Variants in GRM7 observed in about 807,000 individuals in gnomAD.
The protein encoded by GRM7 is metabotropic glutamate receptor 7.
Under a neutral mutation model 84.5 loss-of-function variants are expected in GRM7, and 35 were observed. The ratio of observed to expected loss-of-function variants is 0.41; its 90% confidence interval spans 0.32 to 0.55. GRM7 has a LOEUF of 0.55. GRM7 is among the 20% of genes least tolerant of loss of function. The pLI, the probability that GRM7 is intolerant of heterozygous loss-of-function variation, is 0.19. For missense variants in GRM7, 1,003 were observed against 1,194.6 expected (o/e 0.84, Z 2.36); for synonymous variants, 487 against 455.1 (o/e 1.07, Z -0.89).
At chr3:7,425,861 A>T (rs534939871) in intron 5 of GRM7, among the ~76,000 whole-genome samples, 2 of 152,306 alleles carry the variant, frequency 1.3e-5, no homozygotes, top group Non-Finnish European at 2.9e-5. Context: ...AATCACTATG[A>T]CAAGTAGTTA....
intron 2 of GRM7, among the ~76,000 whole-genome samples, chr3:7,269,271 C>G (rs1698764643): frequency 6.6e-6 from 1 of 152,172 alleles, no homozygotes. Context: ...GAAATTTAAA[C>G]AAGAAAGCCA....
Position 7,190,257 on chromosome 3 carries a change from G to A in GRM7, c.736+43589G>A, listed in dbSNP as rs573733105. On this transcript the variant is annotated intron_variant, in intron 2 of 9. Coordinates refer to ENST00000357716, the MANE Select transcript of GRM7 (RefSeq NM_000844.4). ...TTCAGAAGCATGGTGATCAGAGTAAGGCAGGCATTTGGCATTCATTTTATA... is the reference window on the plus strand; with the variant it reads ...TTCAGAAGCATGGTGATCAGAGTAAAGCAGGCATTTGGCATTCATTTTATA... Among the ~76,000 whole-genome samples the A allele has an allele frequency of 3.3e-5, 5 of 152,228 alleles. No homozygotes were observed. The East Asian group carries it at 9.7e-4, about 29-fold the overall frequency.
chr3:7,101,360 T>C (rs1283888224), intron 1 of GRM7, among the ~76,000 whole-genome samples: 1 of 151,760 alleles, frequency 6.6e-6, no homozygotes, highest in African/African-American at 2.4e-5. Flanking sequence ...GGTTATAACT[T>C]GCATTTCTGT....
intron 8 of GRM7, among the ~76,000 whole-genome samples, chr3:7,643,583 A>G (rs1432178263): frequency 2.0e-5 from 3 of 152,230 alleles, no homozygotes; most frequent in Non-Finnish European, 4.4e-5. Context: ...CCACTGGCCA[A>G]CAGGTTAGGG....
intron 1 of GRM7, among the ~76,000 whole-genome samples, chr3:7,099,464 T>C (rs1386592983): frequency 1.4e-5 from 2 of 147,598 alleles, no homozygotes; most frequent in African/African-American, 5.1e-5. Flanking sequence ...TACATACAAA[T>C]ACATATACAC....
In GRM7 at chr3:7,730,253, A is replaced by G. The variant is rs201819703; in HGVS notation, c.2699-10104A>G. On this transcript the variant is annotated intron_variant, in intron 9 of 9. Coordinates refer to ENST00000357716, the MANE Select transcript of GRM7 (RefSeq NM_000844.4). ...AATCTCTTGACCTTGTGATCCGCCC[A>G]CCTTGGCCTCCCAAAGTGCTGGGAT... 1.2e-4 allele frequency among the ~76,000 whole-genome samples: 18 copies of G among 152,152 alleles called. No homozygotes were observed. In the East Asian group the frequency reaches 3.5e-3, roughly 30 times the overall value.
At chr3:7,607,110 T>C (rs1412875364) in intron 8 of GRM7, 1 of 152,238 alleles carries the variant, frequency 6.6e-6, no homozygotes, top group Non-Finnish European at 1.5e-5. Flanking sequence ...GTGTCTGTGG[T>C]TCTGCTCTTT....
intron 8 of GRM7, among the ~76,000 whole-genome samples, chr3:7,668,616 A>G (rs1379168133): frequency 1.1e-4 from 16 of 152,258 alleles, no homozygotes. Context: ...GATGAATAGA[A>G]GATAACAAAC....
intron 2 of GRM7, among the ~76,000 whole-genome samples, chr3:7,243,786 G>A (rs1697652648): frequency 6.6e-6 from 1 of 152,090 alleles, no homozygotes; most frequent in African/African-American, 2.4e-5. Flanking sequence ...TAGATGACAT[G>A]CCTACTATAG....
intron 1 of GRM7, among the ~76,000 whole-genome samples, chr3:7,073,583 A>G (rs772368331): frequency 1.3e-5 from 2 of 152,076 alleles, no homozygotes; most frequent in Non-Finnish European, 2.9e-5. Context: ...TATTGGAGTT[A>G]GGGTTTATTT....
intron 2 of GRM7, among the ~76,000 whole-genome samples, chr3:7,291,823 A>G (rs1386109119): frequency 2.6e-5 from 4 of 152,028 alleles, no homozygotes; most frequent in African/African-American, 9.7e-5. Flanking sequence ...TCCCACCCAA[A>G]TCTCCTCTTG....
At chr3:6,998,139 A>AAAAAAAAAAAAAAAAAAAAAAAAAAG (rs1694888313) in intron 1 of GRM7, among the ~76,000 whole-genome samples, 1 of 148,766 alleles carries the variant, frequency 6.7e-6, no homozygotes, top group African/African-American at 2.5e-5. Context: ...AAAAAAAAAA[A>AAAAAAAAAAAAAAAAAAAAAAAAAAG]GCAGGTTAGT....
chr3:7,562,832 G>C (rs1033986221), intron 7 of GRM7, among the ~76,000 whole-genome samples: 2 of 152,112 alleles, frequency 1.3e-5, no homozygotes, highest in East Asian at 3.8e-4. Context: ...TGCCTCCCCT[G>C]ATGTGTCTGT....
At chr3:7,229,590 A>T (rs552188658) in intron 2 of GRM7, among the ~76,000 whole-genome samples, 2 of 151,170 alleles carry the variant, frequency 1.3e-5, no homozygotes, top group East Asian at 4.0e-4. Context: ...GAGCCAGTTT[A>T]ACTATTCTGC....
At chr3:7,079,805 T>C (rs996517540) in intron 1 of GRM7, among the ~76,000 whole-genome samples, 7 of 152,146 alleles carry the variant, frequency 4.6e-5, no homozygotes, top group African/African-American at 9.6e-5. Context: ...TATTTAATGG[T>C]TTTGATAACT....
chr3:7,275,659 A>G (rs1304726417), intron 2 of GRM7, among the ~76,000 whole-genome samples: 1 of 152,132 alleles, frequency 6.6e-6, no homozygotes, highest in East Asian at 1.9e-4. Flanking sequence ...AAACCCCGGC[A>G]AGTTAGGTTC....
At chr3:7,146,998 A>G (rs1315707269) in intron 2 of GRM7, among the ~76,000 whole-genome samples, 1 of 152,178 alleles carries the variant, frequency 6.6e-6, no homozygotes. Flanking sequence ...GTACCTCCCC[A>G]TGAAGACTCT....
intron 7 of GRM7, among the ~76,000 whole-genome samples, chr3:7,487,959 G>A (rs988173293): frequency 2.0e-5 from 3 of 152,036 alleles, no homozygotes; most frequent in Non-Finnish European, 2.9e-5. Context: ...AAGCCACAGG[G>A]GAGGAGCTGT....
chr3:7,423,314 T>C (rs1371883555), intron 5 of GRM7, among the ~76,000 whole-genome samples: 1 of 152,210 alleles, frequency 6.6e-6, no homozygotes, highest in Non-Finnish European at 1.5e-5. Flanking sequence ...TTGAGCTGTG[T>C]GTCATTTCTT....
Sources: gnomAD v4.1 joint callset for allele counts (sites outside exome capture counted in the v4.1 genomes callset) on GRCh38, gnomAD v4.1.1 for gene constraint, MANE v1.5 for transcripts, NCBI Gene and HGNC (gene_info 2026-07-23, HGNC 2026-07-21) for gene names.